COG7: variants seen among roughly 807,000 people sequenced by gnomAD.
The protein encoded by COG7 is component of oligomeric golgi complex 7.
In COG7, 49 loss-of-function variants were observed where a neutral mutation model predicts 91.5. The ratio of observed to expected loss-of-function variants is 0.54; its 90% CI spans 0.43 to 0.68. The LOEUF is 0.68. COG7 is among the 30% of genes least tolerant of loss of function. COG7 has a pLI of 0.00. For missense variants in COG7, 895 were observed against 961.3 expected, an observed-to-expected ratio of 0.93 and a Z score of 0.91; for synonymous variants, 365 against 388.7, an observed-to-expected ratio of 0.94 and a Z score of 0.72.
chr16:23,416,313 G>A (rs1257182947), intron 9 of COG7: 2 of 153,156 alleles, frequency 1.3e-5, no homozygotes, highest in African/African-American at 4.8e-5. Context: ...ACAAGCGTGA[G>A]CCACCACACC....
Position 23,400,979 on chromosome 16 carries a change from AG to A in COG7, c.1803+2714del, listed in dbSNP as rs1360521806. Among the ~76,000 whole-genome samples the A allele has an allele frequency of 5.3e-3, 758 of 142,654 alleles. 11 individuals are homozygous for A. Among genetic ancestry groups the A allele is most frequent in the African/African-American group, 0.016 (634 of 40,140 alleles). The allele number at this position is 142,654 out of a possible 152,430, so 93.6% of individuals were successfully genotyped here. A position where few individuals can be genotyped will look rare whatever the true frequency, so the allele number is the denominator to read the frequency against. Reference sequence around the variant, plus strand: ...AGTGAGACTTTGTCTCAAAAAAAAAAGGGGGGGGGGAAAACAGCAGAGAATG... The same window carrying A: ...AGTGAGACTTTGTCTCAAAAAAAAAAGGGGGGGGGAAAACAGCAGAGAATG... On this transcript the variant is annotated intron_variant, in intron 13 of 16. Transcript: ENST00000307149.
At position 23,453,070 on chromosome 16, in the gene COG7, G is replaced by C; in HGVS notation, c.-76C>G. ...CGGCAACGGGGATGCAGAAGCGAGCGAGCCTGCGAGAGCACCGAGGCTAGC... is the reference window on the plus strand; with the variant it reads ...CGGCAACGGGGATGCAGAAGCGAGCCAGCCTGCGAGAGCACCGAGGCTAGC... On this transcript the variant is annotated 5_prime_UTR_variant, in exon 1 of 17. Coordinates refer to ENST00000307149, the MANE Select transcript of COG7 (RefSeq NM_153603.4). 4 of 1,597,216 alleles carry C rather than the reference G, an allele frequency of 2.5e-6. No homozygotes were observed. Among genetic ancestry groups the C allele is most frequent in the Non-Finnish European group, 2.6e-6 (3 of 1,171,270 alleles).
chr16:23,404,448 A>G (rs1963426859), intron 12 of COG7, among the ~76,000 whole-genome samples: 1 of 152,250 alleles, frequency 6.6e-6, no homozygotes, highest in Non-Finnish European at 1.5e-5. Flanking sequence ...TAATCACAGA[A>G]GCATGGATGA....
At position 23,388,694 on chromosome 16, in the gene COG7, G is replaced by T. The variant is rs1480477753; in HGVS notation, c.*226C>A. On this transcript the variant is annotated 3_prime_UTR_variant, in exon 17 of 17. Transcript: ENST00000307149. Reference sequence around the variant, plus strand: ...TTTTTGTATTTTTAGTAGAGATGGGGTTTCACCATGTTGGTCAGGCTGGTC... The same window carrying T: ...TTTTTGTATTTTTAGTAGAGATGGGTTTTCACCATGTTGGTCAGGCTGGTC... 6.0e-6 allele frequency: 3 copies of T among 498,620 alleles called. No individual in the cohort carries two copies. Among genetic ancestry groups the T allele is most frequent in the Non-Finnish European group, 1.0e-5 (3 of 297,806 alleles). The allele number at this position is 498,620 out of a possible 1,614,324, so 30.9% of individuals were successfully genotyped here. A position where few individuals can be genotyped will look rare whatever the true frequency, so the allele number is the denominator to read the frequency against.
intron 14 of COG7, among the ~76,000 whole-genome samples, chr16:23,397,107 C>T (rs899346762): frequency 6.6e-6 from 1 of 152,080 alleles, no homozygotes; most frequent in Admixed American, 6.5e-5. Flanking sequence ...CGGGGTCCCC[C>T]TATGTTGCCC....
At chr16:23,389,809 A>G (rs1235096842) in intron 16 of COG7, 1 of 152,276 alleles carries the variant, frequency 6.6e-6, no homozygotes, top group Non-Finnish European at 1.5e-5. Context: ...ATCCCAAGAG[A>G]GGATTCTAGG....
intron 3 of COG7, among the ~76,000 whole-genome samples, chr16:23,444,442 C>A (rs1964150837): frequency 6.6e-6 from 1 of 151,878 alleles, no homozygotes. Flanking sequence ...CTCCCCTTTC[C>A]CCATGTTCCA....
At position 23,453,174 on chromosome 16, in the gene COG7, G is replaced by T; in HGVS notation, c.-180C>A. On this transcript the variant is annotated 5_prime_UTR_variant, in exon 1 of 17. Coordinates refer to ENST00000307149, the MANE Select transcript of COG7 (RefSeq NM_153603.4). ...CCCCGCTCAGCGCACTCAGTTTGCG[G>T]CTGGGAATGACCCTCGCCGCCCGCC... is the stretch of plus-strand genomic sequence containing the variant. 2.2e-6 allele frequency: 3 copies of T among 1,381,396 alleles called. No individual in the cohort carries two copies. The highest frequency in any genetic ancestry group is 1.5e-5 in the African/African-American group (1 of 68,758). The allele number at this position is 1,381,396 out of a possible 1,614,324, so 85.6% of individuals were successfully genotyped here.
chr16:23,410,164 G>C (rs955114025), intron 11 of COG7, 131 bp downstream of exon 11: 2 of 739,540 alleles, frequency 2.7e-6, no homozygotes, highest in African/African-American at 1.7e-5. Context: ...GCTGTATCTA[G>C]GTACAGACAG....
At chr16:23,443,329 T>G (rs993096772) in intron 3 of COG7, among the ~76,000 whole-genome samples, 4 of 152,170 alleles carry the variant, frequency 2.6e-5, no homozygotes, top group Non-Finnish European at 5.9e-5. Flanking sequence ...GAGGATTGCA[T>G]GAGGCCAGGA....
At chr16:23,422,136 C>A (rs967765645) in intron 7 of COG7, among the ~76,000 whole-genome samples, 94 of 151,706 alleles carry the variant, frequency 6.2e-4, no homozygotes, top group African/African-American at 1.8e-3. Flanking sequence ...ATAGGAAGAC[C>A]CTGTCTCTAC....
In COG7 at chr16:23,393,320, G is replaced by T; in HGVS notation, c.1915C>A (p.Leu639Met). ...NIGQYIMSLP[L>M]NLEPFVTQED... ...TGAGTCACAAATGGCTCAAGATTCA[G>T]GGGGAGGGACATGATGTACTGCCCG... Residue 639 changes from leucine (L) to methionine (M), a missense_variant, in exon 15 of 17, where the codon CTG becomes ATG. Physicochemically the swap from Leu to Met is conservative, Grantham distance 15. Transcript: ENST00000307149. 1 of 1,614,070 alleles carries T rather than the reference G, an allele frequency of 6.2e-7. No individual in the cohort carries two copies. The highest frequency in any genetic ancestry group is 1.1e-5 in the South Asian group (1 of 91,076).
At chr16:23,426,429 T>C (rs1213668218) in intron 6 of COG7, among the ~76,000 whole-genome samples, 1 of 152,134 alleles carries the variant, frequency 6.6e-6, no homozygotes, top group East Asian at 1.9e-4. Flanking sequence ...GGCTCAGCCC[T>C]GTAATCCCAG....
chr16:23,436,295 G>A (rs937647158), intron 4 of COG7, among the ~76,000 whole-genome samples: 4 of 152,114 alleles, frequency 2.6e-5, no homozygotes, highest in Non-Finnish European at 5.9e-5. Context: ...TCTATAAAAA[G>A]TTGCTTCAGT....
intron 12 of COG7, among the ~76,000 whole-genome samples, chr16:23,404,745 C>A (rs1381952004): frequency 6.6e-6 from 1 of 152,184 alleles, no homozygotes; most frequent in Non-Finnish European, 1.5e-5. Context: ...TATGGTGAAA[C>A]CCTTTCTTTA....
At chr16:23,445,671 G>A (rs1964169513) in intron 2 of COG7, 142 bp downstream of exon 2, 1 of 839,212 alleles carries the variant, frequency 1.2e-6, no homozygotes, top group South Asian at 1.4e-5. Context: ...AAAAAAAAGA[G>A]CATAGCTGGA....
intron 3 of COG7, 120 bp downstream of exon 3, chr16:23,444,928 T>C (rs1335376036): frequency 1.2e-6 from 1 of 816,488 alleles, no homozygotes; most frequent in Non-Finnish European, 2.2e-6. Flanking sequence ...TTCCCCACCC[T>C]GAGTCTGAAG....
Position 23,388,583 on chromosome 16 carries a change from T to C in COG7, c.*337A>G, listed in dbSNP as rs1415469100. On this transcript the variant is annotated 3_prime_UTR_variant, in exon 17 of 17. Transcript: ENST00000307149. The stretch of plus-strand genomic sequence containing the variant: ...AGTCTTCTCTGATAAATAATACATC[T>C]TTAATTTACAACTCTTTTTGATTAT... The C allele has an allele frequency of 1.0e-5, 2 of 197,648 alleles. No individual in the cohort carries two copies. The highest frequency in any genetic ancestry group is 4.7e-5 in the African/African-American group (2 of 42,400). The allele number at this position is 197,648 out of a possible 1,614,324, so 12.2% of individuals were successfully genotyped here. A position where few individuals can be genotyped will look rare whatever the true frequency, so the allele number is the denominator to read the frequency against.
At chr16:23,420,910 A>ATTTTTTTT (rs72250117) in intron 7 of COG7, among the ~76,000 whole-genome samples, 7 of 118,490 alleles carry the variant, frequency 5.9e-5, no homozygotes, top group East Asian at 2.3e-4. Flanking sequence ...TACCTGGCTA[A>ATTTTTTTT]TTTTTTTTTT....
Sources: gnomAD v4.1 joint callset for allele counts (sites outside exome capture counted in the v4.1 genomes callset) on GRCh38, gnomAD v4.1.1 for gene constraint, MANE v1.5 for transcripts, NCBI Gene and HGNC (gene_info 2026-07-23, HGNC 2026-07-21) for gene names.